The following PALLD variants were observed in gnomAD, a reference collection of about 807,000 sequenced individuals.
PALLD encodes the protein palladin.
Under a neutral mutation model 123.5 loss-of-function variants are expected in PALLD, and 61 were observed. That is an observed-to-expected ratio of 0.49 (90% CI 0.40 to 0.61). The LOEUF is 0.61. Ranked by LOEUF, PALLD falls within the 20% of genes least tolerant of loss-of-function variation. The pLI is 0.00. For missense variants in PALLD, 1,273 were observed against 1,377.0 expected (o/e 0.92, Z 1.20); for synonymous variants, 465 against 496.4 (o/e 0.94, Z 0.84).
At chr4:168,592,088 C>G (rs370270051) in intron 2 of PALLD, among the ~76,000 whole-genome samples, 1 of 150,632 alleles carries the variant, frequency 6.6e-6, no homozygotes. Context: ...ACGATCTCAG[C>G]TCACTGCACC....
chr4:168,736,478 C>T (rs966400103), intron 10 of PALLD, among the ~76,000 whole-genome samples: 2 of 152,216 alleles, frequency 1.3e-5, no homozygotes, highest in Non-Finnish European at 2.9e-5. Context: ...TTTTGTGAGG[C>T]TCTGCTTATT....
intron 2 of PALLD, among the ~76,000 whole-genome samples, chr4:168,565,109 T>A (rs1387477200): frequency 1.3e-5 from 2 of 151,548 alleles, no homozygotes; most frequent in Non-Finnish European, 2.9e-5. Context: ...AGCAGATGGA[T>A]TGAACCCAGG....
chr4:168,707,346 G>A (rs961967635), intron 8 of PALLD, among the ~76,000 whole-genome samples: 1 of 152,238 alleles, frequency 6.6e-6, no homozygotes, highest in Non-Finnish European at 1.5e-5. Flanking sequence ...TTTGTGGTCT[G>A]TGCCAGGCTA....
chr4:168,548,442 A>G (rs145139136), intron 2 of PALLD, among the ~76,000 whole-genome samples: 46 of 152,334 alleles, frequency 3.0e-4, no homozygotes, highest in African/African-American at 9.6e-4. Flanking sequence ...ACACAAAGAA[A>G]AGAAGCAATG....
intron 2 of PALLD, among the ~76,000 whole-genome samples, chr4:168,622,680 G>A (rs1364838997): frequency 6.6e-6 from 1 of 152,176 alleles, no homozygotes; most frequent in African/African-American, 2.4e-5. Context: ...CCTCCATTAG[G>A]TAGCATCTTA....
intron 10 of PALLD, among the ~76,000 whole-genome samples, chr4:168,719,799 A>G: frequency 6.6e-6 from 1 of 152,002 alleles, no homozygotes; most frequent in East Asian, 1.9e-4. Flanking sequence ...TCTTGTTGTT[A>G]AGCTGTCACT....
chr4:168,512,130 A>G lies in PALLD; in HGVS notation c.626A>G (p.Asn209Ser), dbSNP rs1189725670. The stretch of plus-strand genomic sequence containing the variant: ...GACAGTGGGTACCTGTCTCCTAAAA[A>G]TCAGCCGTCAGCCCTGCTGAGTGCC... ...SPDSGYLSPKNQPSALLSASA... is the reference protein window; with the variant it reads ...SPDSGYLSPKSQPSALLSASA... The change falls in exon 2 of 22, where the codon AAT (asparagine) becomes AGT (serine). Residue 209 changes from asparagine (N) to serine (S), a missense_variant. Around this residue, in one of 2 missense-constraint regions of PALLD, gnomAD observed 944 missense variants for 954.5 expected, o/e 0.99. Coordinates refer to ENST00000505667, the MANE Select transcript of PALLD (RefSeq NM_001166108.2). 3 of 1,614,100 alleles carry G rather than the reference A, an allele frequency of 1.9e-6. No individual in the cohort carries two copies. Among genetic ancestry groups the G allele is most frequent in the Admixed American group, 3.3e-5 (2 of 60,002 alleles).
chr4:168,712,197 C>T, intron 10 of PALLD: 1 of 536,332 alleles, frequency 1.9e-6, no homozygotes, highest in East Asian at 3.3e-5. Flanking sequence ...CAACATACAG[C>T]TAAGGATGTA....
intron 10 of PALLD, among the ~76,000 whole-genome samples, chr4:168,793,766 T>C (rs1692574250): frequency 6.6e-6 from 1 of 152,082 alleles, no homozygotes; most frequent in Non-Finnish European, 1.5e-5. Context: ...TCTCCTACCC[T>C]GTGGTTCTTT....
chr4:168,672,738 G>A (rs961739785), intron 3 of PALLD, among the ~76,000 whole-genome samples: 2 of 152,138 alleles, frequency 1.3e-5, no homozygotes, highest in African/African-American at 2.4e-5. Context: ...GATTACAGGC[G>A]TGAGCCACCT....
chr4:168,570,943 A>G (rs765419480), intron 2 of PALLD, among the ~76,000 whole-genome samples: 1 of 152,180 alleles, frequency 6.6e-6, no homozygotes, highest in Non-Finnish European at 1.5e-5. Context: ...CAAAGAGGTG[A>G]ATATAAATCT....
intron 10 of PALLD, among the ~76,000 whole-genome samples, chr4:168,718,291 A>G (rs1231180745): frequency 6.6e-6 from 1 of 152,240 alleles, no homozygotes; most frequent in Non-Finnish European, 1.5e-5. Flanking sequence ...TTGATTGAAA[A>G]GCAAAGCAAA....
At chr4:168,846,811 G>A (rs1173602311) in intron 10 of PALLD, among the ~76,000 whole-genome samples, 1 of 152,152 alleles carries the variant, frequency 6.6e-6, no homozygotes, top group Non-Finnish European at 1.5e-5. Flanking sequence ...CCATCACTGG[G>A]TACATGTCCA....
intron 3 of PALLD, chr4:168,677,779 T>A (rs1401318162): frequency 6.6e-6 from 1 of 152,246 alleles, no homozygotes; most frequent in Non-Finnish European, 1.5e-5. Flanking sequence ...CATAACTTGT[T>A]TTTGATGGTT....
chr4:168,813,562 A>G (rs991122290), intron 10 of PALLD, among the ~76,000 whole-genome samples: 53 of 152,242 alleles, frequency 3.5e-4, no homozygotes, highest in Admixed American at 2.8e-3. Context: ...GACTCAAGCA[A>G]TCCCCCCACC....
chr4:168,719,506 C>T (rs145203167), intron 10 of PALLD, among the ~76,000 whole-genome samples: 2,049 of 152,144 alleles, frequency 0.013, 41 homozygotes, highest in African/African-American at 0.046. Flanking sequence ...GTGATCTGCC[C>T]GCCTTGGCCT....
chr4:168,683,053 A>T lies in PALLD; in HGVS notation c.1210A>T (p.Thr404Ser). The change falls in exon 5 of 22, where the codon ACA becomes TCA. Residue 404 changes from threonine to serine, a missense_variant. Around this residue, in one of 2 missense-constraint regions of PALLD, gnomAD observed 944 missense variants for 954.5 expected, o/e 0.99. Transcript: ENST00000505667. ...SLTIGSSSPK[T>S]GVTTAVIQPL... ...GACAATAGGATCATCATCTCCAAAG[A>T]CAGGGGTGACCACAGCTGTGATTCA... is the stretch of plus-strand genomic sequence containing the variant. 1 of 1,613,374 alleles carries T rather than the reference A, an allele frequency of 6.2e-7. No homozygotes were observed. Among genetic ancestry groups the T allele is most frequent in the Non-Finnish European group, 8.5e-7 (1 of 1,179,370 alleles).
At chr4:168,823,685 A>G (rs1052887654) in intron 10 of PALLD, among the ~76,000 whole-genome samples, 3 of 152,128 alleles carry the variant, frequency 2.0e-5, no homozygotes, top group African/African-American at 7.2e-5. Flanking sequence ...TTTCAAAAAA[A>G]AAGAAATCCC....
chr4:168,499,815 G>A (rs925479031), intron 1 of PALLD, among the ~76,000 whole-genome samples: 3 of 152,150 alleles, frequency 2.0e-5, no homozygotes, highest in Admixed American at 6.5e-5. Flanking sequence ...GCTGAATGTG[G>A]TACATGGTAT....
Sources: gnomAD v4.1 joint callset for allele counts (sites outside exome capture counted in the v4.1 genomes callset) on GRCh38, gnomAD v4.1.1 for gene constraint, gnomAD v4.1.1 regional missense constraint, MANE v1.5 for transcripts, NCBI Gene and HGNC (gene_info 2026-07-23, HGNC 2026-07-21) for gene names.